Variants in HSF2BP observed in about 807,000 individuals in gnomAD.
The protein encoded by HSF2BP is heat shock transcription factor 2 binding protein, also known as heat shock factor 2-binding protein.
In HSF2BP, 35 loss-of-function variants were observed where a neutral mutation model predicts 35.0. The observed-to-expected ratio is 1.00, with a 90% confidence interval of 0.76 to 1.32. The LOEUF is 1.32. Ranked by LOEUF, HSF2BP falls within the 40% of genes most tolerant of loss-of-function variation. The probability of loss-of-function intolerance (pLI) is 0.00; values close to 1 mark genes in which losing one functional copy is unlikely to be tolerated. For missense variants in HSF2BP, 326 were observed against 321.7 expected, an observed-to-expected ratio of 1.01 and a Z score of -0.10; for synonymous variants, 114 against 117.4, an observed-to-expected ratio of 0.97 and a Z score of 0.18.
chr21:43,656,816 T>C (rs1246247632), intron 2 of HSF2BP, 79 bp from the exon 3 acceptor site: 1 of 1,168,836 alleles, frequency 8.6e-7, no homozygotes, highest in Admixed American at 2.0e-5. Flanking sequence ...TTGCTTTTCT[T>C]TCACACCTCT....
At chr21:43,586,232 G>GA (rs1284278844) in intron 8 of HSF2BP, among the ~76,000 whole-genome samples, 1 of 152,170 alleles carries the variant, frequency 6.6e-6, no homozygotes, top group African/African-American at 2.4e-5. Flanking sequence ...GGAATGTGAA[G>GA]AATGTGGACA....
chr21:43,575,815 T>C (rs2081636338), intron 8 of HSF2BP, among the ~76,000 whole-genome samples: 1 of 152,138 alleles, frequency 6.6e-6, no homozygotes, highest in Non-Finnish European at 1.5e-5. Flanking sequence ...GCTAAGGATA[T>C]TTAAAATATC....
intron 5 of HSF2BP, among the ~76,000 whole-genome samples, chr21:43,631,398 C>G (rs1275828474): frequency 6.6e-6 from 1 of 152,042 alleles, no homozygotes; most frequent in Non-Finnish European, 1.5e-5. Flanking sequence ...CCTCAACTGC[C>G]ACAGCTCTCA....
Position 43,659,155 on chromosome 21 carries a change from G to C in HSF2BP, c.-225+231C>G, listed in dbSNP as rs2082928164. ...TCTACAAAAAAATAACAAATAGTGGGGCGTGATGGCGCGCGCCTGTAGTCT... is the reference window on the plus strand; with the variant it reads ...TCTACAAAAAAATAACAAATAGTGGCGCGTGATGGCGCGCGCCTGTAGTCT... On this transcript the variant is annotated intron_variant, in intron 1 of 8. Transcript: ENST00000291560. This position sits in a 1 kb window ranked among gnomAD's most constrained non-coding sequence, Gnocchi z 4.2. Among the ~76,000 whole-genome samples, 1 of 152,006 alleles carries C rather than the reference G, an allele frequency of 6.6e-6. No homozygotes were observed. The highest frequency in any genetic ancestry group is 2.4e-5 in the African/African-American group (1 of 41,416).
chr21:43,601,514 A>T (rs2082051883), intron 7 of HSF2BP, among the ~76,000 whole-genome samples: 1 of 152,192 alleles, frequency 6.6e-6, no homozygotes, highest in Non-Finnish European at 1.5e-5. Context: ...CAAATAAGCA[A>T]ATTACTTAGC....
chr21:43,590,102 G>A (rs532345416), intron 8 of HSF2BP, among the ~76,000 whole-genome samples: 3 of 152,168 alleles, frequency 2.0e-5, no homozygotes, highest in African/African-American at 7.2e-5. Context: ...CCACAAGCTG[G>A]GAAAAAATAT....
chr21:43,575,520 C>T lies in HSF2BP; in HGVS notation c.796+16705G>A, dbSNP rs536327806. Among the ~76,000 whole-genome samples the T allele has an allele frequency of 3.3e-5, 5 of 152,360 alleles. No homozygotes were observed. The South Asian group carries it at 1.0e-3, about 32-fold the overall frequency. On this transcript the variant is annotated intron_variant, in intron 8 of 8. Transcript: ENST00000291560. ...CAGAAGGAGAGGATGATAAAAATAA[C>T]TTACACTTGACTAGCAATTCACCAC... is the stretch of plus-strand genomic sequence containing the variant.
chr21:43,657,422 C>A (rs2082886758), intron 2 of HSF2BP, among the ~76,000 whole-genome samples: 1 of 152,212 alleles, frequency 6.6e-6, no homozygotes, highest in Non-Finnish European at 1.5e-5. Context: ...CTTTTTATCA[C>A]TGCAGCACCA....
chr21:43,606,046 A>G (rs770431031), intron 7 of HSF2BP, among the ~76,000 whole-genome samples: 6 of 151,986 alleles, frequency 3.9e-5, no homozygotes, highest in Non-Finnish European at 5.9e-5. Context: ...CAGGAAGTAA[A>G]GCCGCCTGCC....
At chr21:43,598,854 G>A (rs1043741882) in intron 7 of HSF2BP, among the ~76,000 whole-genome samples, 1 of 152,174 alleles carries the variant, frequency 6.6e-6, no homozygotes, top group Non-Finnish European at 1.5e-5. Context: ...CACAAACACA[G>A]AGAGTTGGAA....
intron 7 of HSF2BP, 25 bp downstream of exon 7, chr21:43,613,804 TA>T: frequency 6.9e-7 from 1 of 1,441,258 alleles, no homozygotes. Flanking sequence ...TAAATAGAAT[TA>T]ACTTTTTAAC....
chr21:43,656,714 A>G lies in HSF2BP; in HGVS notation c.60T>C (p.Phe20=), dbSNP rs2082874231. 6.2e-7 allele frequency: 1 copy of G among 1,613,628 alleles called. No individual in the cohort carries two copies. The highest frequency in any genetic ancestry group is 1.3e-5 in the African/African-American group (1 of 74,924). Residue 20 remains phenylalanine, a synonymous_variant, in exon 3 of 9, where the codon TTT becomes TTC. Coordinates refer to ENST00000291560, the MANE Select transcript of HSF2BP (RefSeq NM_007031.2). ...CCAGATCCTTCTTTCTGACTTTAAC[A>G]AATTCCTCTTTAGTTCCCATGTGCT... ...ACRHMGTKEE[F]VKVRKKDLER...
intron 8 of HSF2BP, among the ~76,000 whole-genome samples, chr21:43,580,978 A>C (rs750348009): frequency 3.3e-5 from 5 of 152,238 alleles, no homozygotes; most frequent in Non-Finnish European, 5.9e-5. Flanking sequence ...ACTGAAGGGA[A>C]TCAGATGCCA....
At chr21:43,571,762 T>C (rs1568874969) in intron 8 of HSF2BP, among the ~76,000 whole-genome samples, 1 of 118,536 alleles carries the variant, frequency 8.4e-6, no homozygotes, top group East Asian at 2.4e-4. Flanking sequence ...AACAAGGCAA[T>C]GTGAGGAGTG....
At chr21:43,642,823 A>G (rs1171302548) in intron 4 of HSF2BP, among the ~76,000 whole-genome samples, 2 of 118,610 alleles carry the variant, frequency 1.7e-5, no homozygotes, top group Admixed American at 1.1e-4. Context: ...TTTTTGAGAC[A>G]GAGTCTCGCT....
At chr21:43,603,286 G>T (rs1282496312) in intron 7 of HSF2BP, among the ~76,000 whole-genome samples, 1 of 152,156 alleles carries the variant, frequency 6.6e-6, no homozygotes, top group Non-Finnish European at 1.5e-5. Context: ...CAATCCCAAG[G>T]TCCAGGCACA....
At chr21:43,629,431 G>A (rs1411811936) in intron 6 of HSF2BP, among the ~76,000 whole-genome samples, 2 of 152,222 alleles carry the variant, frequency 1.3e-5, no homozygotes, top group African/African-American at 4.8e-5. Context: ...TGGGCATGGT[G>A]GCGCATGCCT....
At position 43,644,309 on chromosome 21, in the gene HSF2BP, C is replaced by T. The variant is rs746694843; in HGVS notation, c.271G>A (p.Asp91Asn). The change falls in exon 4 of 9, where the codon GAC becomes AAC. Residue 91 changes from aspartate (D) to asparagine (N), a missense_variant. Asp to Asn is a conservative substitution (Grantham distance 23). Transcript: ENST00000291560. ...GGTACCTTCTTCTCTCTTATGTTGT[C>T]GGCCTGCACGGTTTCCAGGCGGGCT... is the stretch of plus-strand genomic sequence containing the variant. ...FKARLETVQA[D>N]NIREKKEKLA... The T allele has an allele frequency of 5.6e-6, 9 of 1,613,868 alleles. No individual in the cohort carries two copies. The highest frequency in any genetic ancestry group is 1.6e-4 in the Middle Eastern group (1 of 6,062).
the HSF2BP span, among the ~76,000 whole-genome samples, chr21:43,467,908 CCA>C: frequency 0.024 from 1,042 of 43,856 alleles, 24 homozygotes; most frequent in African/African-American, 0.079. Flanking sequence ...CACACACGCA[CCA>C]CACACCACAC....
Sources: gnomAD v4.1 joint callset for allele counts (sites outside exome capture counted in the v4.1 genomes callset) on GRCh38, gnomAD v4.1.1 for gene constraint, Gnocchi (gnomAD v3.1) non-coding constraint, MANE v1.5 for transcripts, NCBI Gene and HGNC (gene_info 2026-07-23, HGNC 2026-07-21) for gene names.